The following CYTH3 variants were observed in gnomAD, a reference collection of about 807,000 sequenced individuals.
CYTH3 encodes the protein cytohesin 3, also known as cytohesin-3.
Under a neutral mutation model 55.1 loss-of-function variants are expected in CYTH3, and 23 were observed. That is an observed-to-expected ratio of 0.42 (90% CI 0.30 to 0.59). The LOEUF is 0.59. Ranked by LOEUF, CYTH3 falls within the 20% of genes least tolerant of loss-of-function variation. CYTH3 has a pLI of 0.20. For missense variants in CYTH3, 413 were observed against 524.8 expected (o/e 0.79, Z 2.08); for synonymous variants, 249 against 194.9 (o/e 1.28, Z -2.31).
intron 1 of CYTH3, among the ~76,000 whole-genome samples, chr7:6,213,365 T>C (rs1158610371): frequency 2.0e-5 from 3 of 152,218 alleles, no homozygotes; most frequent in South Asian, 2.1e-4. Flanking sequence ...AGAAAAGAGT[T>C]TGGGGAAAGG....
At chr7:6,184,770 G>A (rs1783594889) in intron 4 of CYTH3, among the ~76,000 whole-genome samples, 1 of 152,128 alleles carries the variant, frequency 6.6e-6, no homozygotes, top group Non-Finnish European at 1.5e-5. Flanking sequence ...TAGAGATGGA[G>A]TTTCACCATG....
intron 1 of CYTH3, among the ~76,000 whole-genome samples, chr7:6,192,619 C>G (rs1188715817): frequency 6.7e-6 from 1 of 149,538 alleles, no homozygotes; most frequent in Non-Finnish European, 1.5e-5. Flanking sequence ...GCAACCTCCA[C>G]CTCCTGAGTT....
In CYTH3 at chr7:6,170,054, G is replaced by T; in HGVS notation, c.823+481C>A. Reference sequence around the variant, plus strand: ...AGCGAGAGGAATGAGCCGCTGAGGGGGCGGGGAGCCACTGGGTACCTACCT... The same window carrying T: ...AGCGAGAGGAATGAGCCGCTGAGGGTGCGGGGAGCCACTGGGTACCTACCT... On this transcript the variant is annotated intron_variant, in intron 9 of 12. Transcript: ENST00000350796. The surrounding 1 kb of genome is among the most constrained non-coding windows in gnomAD (Gnocchi z 7.8). 5.9e-6 allele frequency: 1 copy of T among 169,248 alleles called. No individual in the cohort carries two copies. Among genetic ancestry groups the T allele is most frequent in the Non-Finnish European group, 1.3e-5 (1 of 78,072 alleles). 10.5% of individuals were successfully genotyped at this position (169,248 alleles called of 1,614,324 possible).
intron 1 of CYTH3, among the ~76,000 whole-genome samples, chr7:6,225,829 G>A (rs1722306185): frequency 6.6e-6 from 1 of 151,930 alleles, no homozygotes; most frequent in Non-Finnish European, 1.5e-5. Flanking sequence ...ACAGGCGTGT[G>A]TCACCACACC....
chr7:6,255,392 T>C (rs929234671), intron 1 of CYTH3, among the ~76,000 whole-genome samples: 4 of 152,150 alleles, frequency 2.6e-5, no homozygotes, highest in Admixed American at 6.5e-5. Flanking sequence ...TGACCTGATA[T>C]AGCAAACAGG....
chr7:6,194,367 C>T (rs368305639), intron 1 of CYTH3, among the ~76,000 whole-genome samples: 1 of 152,160 alleles, frequency 6.6e-6, no homozygotes, highest in Non-Finnish European at 1.5e-5. Flanking sequence ...GTGGGAGGAT[C>T]GCTTGAGCTC....
intron 5 of CYTH3, among the ~76,000 whole-genome samples, chr7:6,177,137 G>A (rs1783371662): frequency 6.6e-6 from 1 of 152,224 alleles, no homozygotes; most frequent in Admixed American, 6.5e-5. Context: ...TTTTCTAGCG[G>A]TGTCTTTGGT....
chr7:6,237,475 C>T (rs1359543660), intron 1 of CYTH3, among the ~76,000 whole-genome samples: 2 of 151,994 alleles, frequency 1.3e-5, no homozygotes, highest in South Asian at 4.1e-4. Context: ...TTTGGGAGGC[C>T]GAGGCGGGCG....
chr7:6,180,566 G>A (rs976452165), intron 4 of CYTH3, among the ~76,000 whole-genome samples: 1 of 152,174 alleles, frequency 6.6e-6, no homozygotes, highest in East Asian at 1.9e-4. Context: ...CCCACACCCC[G>A]ATCTCGGACT....
At chr7:6,187,784 G>C (rs982639167) in intron 2 of CYTH3, 63 bp from the exon 3 acceptor site, 4 of 1,381,700 alleles carry the variant, frequency 2.9e-6, no homozygotes, top group Non-Finnish European at 3.1e-6. Flanking sequence ...CTGAGACTCA[G>C]AAATTTTAGT....
At chr7:6,251,743 T>G (rs1245509480) in intron 1 of CYTH3, among the ~76,000 whole-genome samples, 1 of 152,140 alleles carries the variant, frequency 6.6e-6, no homozygotes, top group Non-Finnish European at 1.5e-5. Context: ...CTTCTAAAAA[T>G]AGAGTACAGG....
At chr7:6,187,200 G>A (rs537754025) in intron 3 of CYTH3, 84 bp from the exon 4 acceptor site, 27 of 1,405,074 alleles carry the variant, frequency 1.9e-5, no homozygotes, top group Middle Eastern at 1.8e-4. Flanking sequence ...ACTTTCCCCC[G>A]CAACAACGGG....
intron 1 of CYTH3, among the ~76,000 whole-genome samples, chr7:6,203,850 C>G (rs1312261348): frequency 6.6e-6 from 1 of 152,006 alleles, no homozygotes; most frequent in East Asian, 1.9e-4. Flanking sequence ...TCCCGAGTAG[C>G]TGGGACTACA....
Position 6,163,361 on chromosome 7 carries a change from G to C in CYTH3, c.*1583C>G, listed in dbSNP as rs987704226. Reference sequence around the variant, plus strand: ...TGCCCTCCAGAGGGTGCAGATTCAAGGTGTGTGTGCCTATGCAGGTGGGGC... The same window carrying C: ...TGCCCTCCAGAGGGTGCAGATTCAACGTGTGTGTGCCTATGCAGGTGGGGC... On this transcript the variant is annotated 3_prime_UTR_variant, in exon 13 of 13. Transcript: ENST00000350796. 1 of 152,572 alleles carries C rather than the reference G, an allele frequency of 6.6e-6. No individual in the cohort carries two copies. Among genetic ancestry groups the C allele is most frequent in the Non-Finnish European group, 1.5e-5 (1 of 68,320 alleles). 9.5% of individuals were successfully genotyped at this position (152,572 alleles called of 1,614,324 possible).
chr7:6,222,639 C>T (rs1450766095), intron 1 of CYTH3, among the ~76,000 whole-genome samples: 5 of 151,250 alleles, frequency 3.3e-5, no homozygotes, highest in South Asian at 2.1e-4. Context: ...CCCAGCTACT[C>T]GGGAGGCTGA....
At position 6,164,856 on chromosome 7, in the gene CYTH3, C is replaced by T; in HGVS notation, c.*88G>A. ...GCAGCTTGCACCGCAGGGCGACTGC[C>T]TCCCTGCCACGCCTTCCGCGGAGGG... On this transcript the variant is annotated 3_prime_UTR_variant, in exon 13 of 13. Coordinates refer to ENST00000350796, the MANE Select transcript of CYTH3 (RefSeq NM_004227.4). The T allele has an allele frequency of 6.9e-7, 1 of 1,453,956 alleles. No homozygotes were observed. The allele number at this position is 1,453,956 out of a possible 1,614,324, so 90.1% of individuals were successfully genotyped here.
At chr7:6,168,369 A>G (rs1328703570) in intron 9 of CYTH3, among the ~76,000 whole-genome samples, 1 of 151,914 alleles carries the variant, frequency 6.6e-6, no homozygotes, top group African/African-American at 2.4e-5. Context: ...CTAAAAGCAA[A>G]TCTACAATAA....
intron 1 of CYTH3, among the ~76,000 whole-genome samples, chr7:6,252,281 C>A (rs1181428043): frequency 2.0e-5 from 3 of 152,120 alleles, no homozygotes; most frequent in African/African-American, 7.2e-5. Context: ...GAATCTTTGC[C>A]CTATTTTACA....
intron 1 of CYTH3, among the ~76,000 whole-genome samples, chr7:6,253,452 G>T (rs138155572): frequency 2.5e-4 from 38 of 151,778 alleles, no homozygotes; most frequent in Middle Eastern, 3.4e-3. Context: ...CAAGTGATCC[G>T]CCTGCCTCGG....
Sources: gnomAD v4.1 joint callset for allele counts (sites outside exome capture counted in the v4.1 genomes callset) on GRCh38, gnomAD v4.1.1 for gene constraint, Gnocchi (gnomAD v3.1) non-coding constraint, MANE v1.5 for transcripts, NCBI Gene and HGNC (gene_info 2026-07-23, HGNC 2026-07-21) for gene names.